UPF1: variants seen among roughly 807,000 people sequenced by gnomAD.
UPF1 encodes regulator of nonsense transcripts 1.
In UPF1, 9 loss-of-function variants were observed where a neutral mutation model predicts 129.2. That is an observed-to-expected ratio of 0.07 (90% CI 0.04 to 0.12). The LOEUF (loss-of-function observed/expected upper bound fraction) is 0.12, where lower values mean the gene tolerates loss of function less well. Ranked by LOEUF, UPF1 falls within the 10% of genes least tolerant of loss-of-function variation. The pLI, the probability that UPF1 is intolerant of heterozygous loss-of-function variation, is 1.00. For synonymous variants in UPF1, 649 were observed against 644.9 expected (o/e 1.01, Z -0.10); for missense variants, 788 against 1,525.3 (o/e 0.52, Z 8.05).
At position 18,857,000 on chromosome 19, in the gene UPF1, G is replaced by A; in HGVS notation, c.1948G>A (p.Val650Met). 1 of 1,612,440 alleles carries A rather than the reference G, an allele frequency of 6.2e-7. No individual in the cohort carries two copies. The highest frequency in any genetic ancestry group is 8.5e-7 in the Non-Finnish European group (1 of 1,179,624). Residue 650 changes from valine (V) to methionine (M), a missense_variant, in exon 14 of 24, where the codon GTG becomes ATG. Val to Met is a conservative substitution (Grantham distance 21). Transcript: ENST00000262803. ...CACCGAGCCGGAGTGCATGGTTCCCGTGGTCCTCGGGGCCAAGCAGGTGGG... is the reference window on the plus strand; with the variant it reads ...CACCGAGCCGGAGTGCATGGTTCCCATGGTCCTCGGGGCCAAGCAGGTGGG... ...QATEPECMVP[V>M]VLGAKQLILV...
rs755391632 is a variant in UPF1 at position 18,852,212 on chromosome 19, C to T, written c.888C>T (p.Tyr296=). 1.1e-5 allele frequency: 17 copies of T among 1,613,518 alleles called. No individual in the cohort carries two copies. In the East Asian group the frequency reaches 1.6e-4, roughly 15 times the overall value. ...DEEPQHVLLR[Y]EDAYQYQNIF... is the part of the protein sequence containing the mutation. Reference sequence around the variant, plus strand: ...AGCCGCAGCATGTCCTCCTGCGGTACGAGGACGCCTACCAGTACCAGAACA... The same window carrying T: ...AGCCGCAGCATGTCCTCCTGCGGTATGAGGACGCCTACCAGTACCAGAACA... Residue 296 remains tyrosine (Y), a synonymous_variant, in exon 6 of 24, where the codon TAC becomes TAT. Coordinates refer to ENST00000262803, the MANE Select transcript of UPF1 (RefSeq NM_002911.4).
chr19:18,841,605 G>A (rs2055541884), intron 1 of UPF1, among the ~76,000 whole-genome samples: 1 of 152,302 alleles, frequency 6.6e-6, no homozygotes, highest in African/African-American at 2.4e-5. Context: ...CTGCAGTCTG[G>A]CCTGGGTTGT....
chr19:18,856,290 A>AGCT lies in UPF1; in HGVS notation c.1819_1821dup (p.Leu607dup). The AGCT allele has an allele frequency of 6.3e-7, 1 of 1,593,958 alleles. No individual in the cohort carries two copies. The highest frequency in any genetic ancestry group is 8.6e-7 in the Non-Finnish European group (1 of 1,163,554). On this transcript the variant is annotated inframe_insertion, in exon 13 of 24. Transcript: ENST00000262803. ...GCCTTGAAGCGCACCGCAGAGAGAG[A>AGCT]GCTGCTGATGGTGAGTGCCCCTCCT...
intron 1 of UPF1, among the ~76,000 whole-genome samples, chr19:18,833,867 C>T (rs1297512827): frequency 6.6e-6 from 1 of 152,190 alleles, no homozygotes; most frequent in Non-Finnish European, 1.5e-5. Flanking sequence ...AGACCACCCA[C>T]TTGGGCTTTC....
At position 18,863,509 on chromosome 19, in the gene UPF1, A is replaced by C; in HGVS notation, c.2672A>C (p.Tyr891Ser). The C allele has an allele frequency of 6.2e-7, 1 of 1,613,864 alleles. No individual in the cohort carries two copies. The highest frequency in any genetic ancestry group is 8.5e-7 in the Non-Finnish European group (1 of 1,179,868). Residue 891 changes from tyrosine to serine, a missense_variant, in exon 19 of 24, where the codon TAC becomes TCC. By Grantham distance (144) the Tyr-to-Ser change is moderately radical (BLOSUM62 -2). Coordinates refer to ENST00000262803, the MANE Select transcript of UPF1 (RefSeq NM_002911.4). ...KQPLWNHLLNYYKEQKVLVEG... is the reference protein window; with the variant it reads ...KQPLWNHLLNSYKEQKVLVEG... Reference sequence around the variant, plus strand: ...CCGCTCTGGAACCACCTGCTGAACTACTATAAGGAGCAGAAGGTGCTGGTG... The same window carrying C: ...CCGCTCTGGAACCACCTGCTGAACTCCTATAAGGAGCAGAAGGTGCTGGTG...
Position 18,832,374 on chromosome 19 carries a change from CGGT to C in UPF1, c.168_170del (p.Gly58del). 8.1e-7 allele frequency: 1 copy of C among 1,241,434 alleles called. No individual in the cohort carries two copies. The highest frequency in any genetic ancestry group is 1.6e-5 in the African/African-American group (1 of 63,046). 76.9% of individuals were successfully genotyped at this position (1,241,434 alleles called of 1,614,324 possible). On this transcript the variant is annotated inframe_deletion, in exon 1 of 24. Coordinates refer to ENST00000262803, the MANE Select transcript of UPF1 (RefSeq NM_002911.4). The surrounding 1 kb of genome is among the most constrained non-coding windows in gnomAD (Gnocchi z 5.6). ...CCCCCGGCGGCCCCGGCGGCCCGGG[CGGT>C]GGCGGCGCGGGAGGCCCGGGCGGCG... is the stretch of plus-strand genomic sequence containing the variant.
intron 11 of UPF1, chr19:18,855,704 TG>T: frequency 3.3e-6 from 2 of 609,924 alleles, no homozygotes; most frequent in Admixed American, 6.7e-5. Context: ...AGAAATTAGC[TG>T]GGGGTAGTGG....
At chr19:18,852,038 G>A (rs752491990) in intron 5 of UPF1, 97 bp from the exon 6 acceptor site, 40 of 1,435,012 alleles carry the variant, frequency 2.8e-5, no homozygotes, top group Non-Finnish European at 3.4e-5. Context: ...TCTGAGAAGC[G>A]GCATGTGTGC....
chr19:18,833,647 C>A (rs1329104812), intron 1 of UPF1, among the ~76,000 whole-genome samples: 1 of 152,062 alleles, frequency 6.6e-6, no homozygotes, highest in Non-Finnish European at 1.5e-5. Flanking sequence ...TCACCTTAGG[C>A]TTGCTTTGTG....
intron 15 of UPF1, among the ~76,000 whole-genome samples, chr19:18,858,156 G>C (rs2055739019): frequency 6.6e-6 from 1 of 152,194 alleles, no homozygotes; most frequent in African/African-American, 2.4e-5. Context: ...GCCGGCGCTT[G>C]AAGGAAGTCC....
rs756928801 is a variant in UPF1, at chr19:18,853,875, G to A, written c.1156+525G>A. On this transcript the variant is annotated intron_variant, in intron 8 of 23. Coordinates refer to ENST00000262803, the MANE Select transcript of UPF1 (RefSeq NM_002911.4). This position sits in a 1 kb window ranked among gnomAD's most constrained non-coding sequence, Gnocchi z 4.4. The stretch of plus-strand genomic sequence containing the variant: ...TGCAGTCAGAGGCTTGGGTGGGGAG[G>A]AGTCCTGGGAGAAGACACCGCGGGT... Among the ~76,000 whole-genome samples the A allele has an allele frequency of 5.3e-5, 8 of 152,186 alleles. No homozygotes were observed. The highest frequency in any genetic ancestry group is 1.0e-4 in the Non-Finnish European group (7 of 68,036).
intron 8 of UPF1, among the ~76,000 whole-genome samples, chr19:18,854,078 G>A (rs1298990085): frequency 1.3e-5 from 2 of 152,214 alleles, no homozygotes; most frequent in Non-Finnish European, 2.9e-5. Context: ...GTTGCCTACC[G>A]GCCACAGCCT....
rs989778067 is a variant in UPF1 at position 18,832,931 on chromosome 19, G to T, written c.231+491G>T. On this transcript the variant is annotated intron_variant, in intron 1 of 23. Transcript: ENST00000262803. This position sits in a 1 kb window ranked among gnomAD's most constrained non-coding sequence, Gnocchi z 5.6. ...CCTGGTCCCTCTTTCGCAGGTCTCG[G>T]TATTCTGCCTCGAGTTCTCCTACGA... 6.6e-6 allele frequency among the ~76,000 whole-genome samples: 1 copy of T among 152,002 alleles called. No homozygotes were observed. The highest frequency in any genetic ancestry group is 1.5e-5 in the Non-Finnish European group (1 of 67,970).
chr19:18,864,142 A>G, intron 19 of UPF1, 28 bp from the exon 20 acceptor site: 1 of 1,608,804 alleles, frequency 6.2e-7, no homozygotes. Context: ...TGAGATGACA[A>G]ATTCCTCACC....
Position 18,848,004 on chromosome 19 carries a change from T to C in UPF1, c.461+171T>C, listed in dbSNP as rs997157. On this transcript the variant is annotated intron_variant, in intron 3 of 23. Coordinates refer to ENST00000262803, the MANE Select transcript of UPF1 (RefSeq NM_002911.4). ...AACAGATGGTGGTGTGTGAATGCCT[T>C]AATGTATTTACCCTTGATTTATTCT... is the stretch of plus-strand genomic sequence containing the variant. The C allele has an allele frequency of 4.6e-5, 28 of 612,908 alleles. No individual in the cohort carries two copies. In the African/African-American group the frequency reaches 4.9e-4, roughly 11 times the overall value. 38.0% of individuals were successfully genotyped at this position (612,908 alleles called of 1,614,324 possible). A position where few individuals can be genotyped will look rare whatever the true frequency, so the allele number is the denominator to read the frequency against.
At chr19:18,845,477 A>G (rs1428786490) in intron 1 of UPF1, among the ~76,000 whole-genome samples, 1 of 152,070 alleles carries the variant, frequency 6.6e-6, no homozygotes, top group African/African-American at 2.4e-5. Flanking sequence ...TTCAGTTTCT[A>G]CTTCATCCTC....
intron 1 of UPF1, among the ~76,000 whole-genome samples, chr19:18,836,922 T>A (rs532583021): frequency 1.3e-4 from 19 of 150,948 alleles, no homozygotes; most frequent in African/African-American, 4.6e-4. Flanking sequence ...CCCGGCTAAT[T>A]TTTTGTATTT....
At chr19:18,840,182 A>G (rs2055526640) in intron 1 of UPF1, among the ~76,000 whole-genome samples, 1 of 152,072 alleles carries the variant, frequency 6.6e-6, no homozygotes, top group Non-Finnish European at 1.5e-5. Flanking sequence ...TGGAGGGGCC[A>G]CAGGGCAGTG....
At chr19:18,859,169 G>A (rs1157632888) in intron 15 of UPF1, among the ~76,000 whole-genome samples, 1 of 152,236 alleles carries the variant, frequency 6.6e-6, no homozygotes, top group East Asian at 1.9e-4. Context: ...TGGGGTGTCT[G>A]AGCACTGGCT....
Sources: allele counts gnomAD v4.1 joint callset (sites outside exome capture counted in the v4.1 genomes callset), GRCh38; gene constraint gnomAD v4.1.1; non-coding constraint Gnocchi (gnomAD v3.1); transcripts MANE v1.5; gene names NCBI Gene and HGNC (gene_info 2026-07-23, HGNC 2026-07-21).